The following KCNH8 variants were observed in gnomAD, a reference collection of about 807,000 sequenced individuals.
The protein encoded by KCNH8 is voltage-gated delayed rectifier potassium channel KCNH8.
Under a neutral mutation model 103.6 loss-of-function variants are expected in KCNH8, and 70 were observed. The observed-to-expected ratio is 0.68, with a 90% confidence interval of 0.56 to 0.82. KCNH8 has a LOEUF of 0.82. Among genes scored for constraint, KCNH8 ranks in the 40% least tolerant of loss-of-function variants. The pLI, the probability that KCNH8 is intolerant of heterozygous loss-of-function variation, is 0.00. For synonymous variants in KCNH8, 498 were observed against 489.4 expected, an observed-to-expected ratio of 1.02 and a Z score of -0.23; for missense variants, 1,217 against 1,329.9, an observed-to-expected ratio of 0.92 and a Z score of 1.32.
At chr3:19,331,036 C>A (rs1004798455) in intron 3 of KCNH8, among the ~76,000 whole-genome samples, 3 of 152,004 alleles carry the variant, frequency 2.0e-5, no homozygotes, top group East Asian at 3.9e-4. Flanking sequence ...ATAATCAGTT[C>A]ACTGTAGGCA....
rs772150706 is a variant in KCNH8, at chr3:19,253,613, CT to C, written c.77-39del. 2.0e-5 allele frequency: 28 copies of C among 1,414,040 alleles called. No homozygotes were observed. The South Asian group carries it at 3.2e-4, about 16-fold the overall frequency. The allele number at this position is 1,414,040 out of a possible 1,614,324, so 87.6% of individuals were successfully genotyped here. On this transcript the variant is annotated intron_variant, in intron 1 of 15. Coordinates refer to ENST00000328405, the MANE Select transcript of KCNH8 (RefSeq NM_144633.3). ...CAGGAATTGTGTATAAATTCTCACA[CT>C]TATCTAGTTGCTGAGTATCTTCTCC...
chr3:19,526,828 A>G (rs1559372136), intron 15 of KCNH8, among the ~76,000 whole-genome samples: 1 of 152,024 alleles, frequency 6.6e-6, no homozygotes. Flanking sequence ...CTTAAGTTCA[A>G]TTGAAAATAA....
chr3:19,308,773 C>CTCCCTCTCTCCCTCT (rs2065171565), intron 3 of KCNH8, among the ~76,000 whole-genome samples: 1 of 25,924 alleles, frequency 3.9e-5, no homozygotes, highest in Non-Finnish European at 6.8e-5. Context: ...TCTCTCCCTC[C>CTCCCTCTCTCCCTCT]CTCTCTCTCT....
chr3:19,262,376 TAG>T (rs1267857966), intron 2 of KCNH8, among the ~76,000 whole-genome samples: 1 of 152,042 alleles, frequency 6.6e-6, no homozygotes, highest in East Asian at 1.9e-4. Flanking sequence ...TTTTTACACT[TAG>T]TTATTCAATA....
At chr3:19,339,818 G>A (rs768841023) in intron 3 of KCNH8, among the ~76,000 whole-genome samples, 24 of 151,976 alleles carry the variant, frequency 1.6e-4, no homozygotes, top group Non-Finnish European at 2.5e-4. Flanking sequence ...GGAGGTGGGG[G>A]TAATTAAAGT....
chr3:19,478,856 A>G (rs573554276), intron 11 of KCNH8, among the ~76,000 whole-genome samples: 2 of 152,144 alleles, frequency 1.3e-5, no homozygotes, highest in African/African-American at 4.8e-5. Flanking sequence ...TACCTATTGG[A>G]TAATACCAGA....
At chr3:19,247,140 A>T (rs1458402490) in intron 1 of KCNH8, among the ~76,000 whole-genome samples, 1 of 152,210 alleles carries the variant, frequency 6.6e-6, no homozygotes, top group Non-Finnish European at 1.5e-5. Context: ...ATACTGGATG[A>T]TGTATAAATT....
chr3:19,282,457 A>G (rs183118566), intron 3 of KCNH8, among the ~76,000 whole-genome samples: 1 of 152,322 alleles, frequency 6.6e-6, no homozygotes, highest in East Asian at 1.9e-4. Context: ...TAAGATAGAA[A>G]CACAAAAGGT....
At chr3:19,467,355 G>A (rs1396886906) in intron 11 of KCNH8, among the ~76,000 whole-genome samples, 1 of 151,232 alleles carries the variant, frequency 6.6e-6, no homozygotes, top group Non-Finnish European at 1.5e-5. Flanking sequence ...ATATAACCAA[G>A]CAACCTGCAA....
At chr3:19,309,427 A>G (rs1366587678) in intron 3 of KCNH8, among the ~76,000 whole-genome samples, 2 of 151,984 alleles carry the variant, frequency 1.3e-5, no homozygotes, top group Non-Finnish European at 2.9e-5. Context: ...ACTATTTAAA[A>G]GGTTAAAATT....
intron 5 of KCNH8, among the ~76,000 whole-genome samples, chr3:19,361,199 A>G (rs779789513): frequency 2.6e-5 from 4 of 152,158 alleles, no homozygotes; most frequent in Non-Finnish European, 5.9e-5. Flanking sequence ...AAAAACAACA[A>G]GAAAAAGAAG....
intron 7 of KCNH8, among the ~76,000 whole-genome samples, chr3:19,398,372 G>T (rs2066556827): frequency 6.6e-6 from 1 of 151,900 alleles, no homozygotes; most frequent in Non-Finnish European, 1.5e-5. Context: ...GAGTTTTAAA[G>T]GGTGAATAGG....
chr3:19,189,317 T>A (rs2125208365), intron 1 of KCNH8, among the ~76,000 whole-genome samples: 1 of 152,182 alleles, frequency 6.6e-6, no homozygotes, highest in East Asian at 1.9e-4. Context: ...CTAACAAATG[T>A]TTCATATGAA....
chr3:19,297,247 C>A (rs895497968), intron 3 of KCNH8, among the ~76,000 whole-genome samples: 2 of 152,114 alleles, frequency 1.3e-5, no homozygotes, highest in Non-Finnish European at 1.5e-5. Context: ...GGCTGAGAAT[C>A]CCGATTTGAT....
At chr3:19,368,076 A>C (rs931435569) in intron 5 of KCNH8, among the ~76,000 whole-genome samples, 1 of 152,078 alleles carries the variant, frequency 6.6e-6, no homozygotes, top group Non-Finnish European at 1.5e-5. Flanking sequence ...CCAGGCAATT[A>C]AAAATCTTTC....
At chr3:19,423,446 C>A (rs1172999995) in intron 7 of KCNH8, among the ~76,000 whole-genome samples, 1 of 151,926 alleles carries the variant, frequency 6.6e-6, no homozygotes, top group Non-Finnish European at 1.5e-5. Flanking sequence ...TTCCACCCTT[C>A]CCCCTGAGTC....
intron 1 of KCNH8, among the ~76,000 whole-genome samples, chr3:19,173,638 CCA>C (rs2063369882): frequency 6.6e-6 from 1 of 151,420 alleles, no homozygotes; most frequent in Non-Finnish European, 1.5e-5. Context: ...ACACACACAC[CCA>C]CACACACACA....
intron 11 of KCNH8, among the ~76,000 whole-genome samples, chr3:19,492,830 C>CGTGTGT (rs67383228): frequency 6.4e-4 from 79 of 123,510 alleles, no homozygotes; most frequent in Non-Finnish European, 1.1e-3. Context: ...AATGTTTTTT[C>CGTGTGT]GTGTGTGTGT....
intron 8 of KCNH8, among the ~76,000 whole-genome samples, chr3:19,446,633 C>T (rs935657433): frequency 2.6e-5 from 4 of 151,894 alleles, no homozygotes; most frequent in African/African-American, 9.7e-5. Context: ...CTAAGATTAC[C>T]CAAAACCTGA....
Sources: allele counts gnomAD v4.1 joint callset (sites outside exome capture counted in the v4.1 genomes callset), GRCh38; gene constraint gnomAD v4.1.1; transcripts MANE v1.5; gene names NCBI Gene and HGNC (gene_info 2026-07-23, HGNC 2026-07-21).